The following ADGRL4 variants were observed in gnomAD, a reference collection of about 807,000 sequenced individuals.
ADGRL4 encodes the protein adhesion G protein-coupled receptor L4.
A neutral mutation model predicts 74.8 loss-of-function variants in ADGRL4; 90 were observed. The ratio of observed to expected loss-of-function variants is 1.20; its 90% CI spans 1.02 to 1.43. The LOEUF (loss-of-function observed/expected upper bound fraction) is 1.43, where lower values mean the gene tolerates loss of function less well. Among genes scored for constraint, ADGRL4 ranks in the 40% most tolerant of loss-of-function variants. The pLI is 0.00. For synonymous variants in ADGRL4, 311 were observed against 279.2 expected, an observed-to-expected ratio of 1.11 and a Z score of -1.14; for missense variants, 881 against 814.3, an observed-to-expected ratio of 1.08 and a Z score of -1.00.
At chr1:78,974,154 T>C (rs935092813) in intron 2 of ADGRL4, among the ~76,000 whole-genome samples, 3 of 152,152 alleles carry the variant, frequency 2.0e-5, no homozygotes, top group Non-Finnish European at 2.9e-5. Flanking sequence ...CAGTTTATCT[T>C]CAGTGCAAAA....
At chr1:78,906,240 C>T (rs938219660) in intron 12 of ADGRL4, among the ~76,000 whole-genome samples, 3 of 151,946 alleles carry the variant, frequency 2.0e-5, no homozygotes, top group African/African-American at 7.2e-5. Flanking sequence ...TAAATAATTG[C>T]TCTATTTAAT....
chr1:78,908,029 G>A (rs569639147), intron 12 of ADGRL4, among the ~76,000 whole-genome samples: 17 of 152,080 alleles, frequency 1.1e-4, no homozygotes, highest in African/African-American at 3.9e-4. Context: ...TCAAGACCAA[G>A]CCACGCAGAC....
At chr1:78,924,389 A>G (rs1649070188) in intron 8 of ADGRL4, among the ~76,000 whole-genome samples, 1 of 152,034 alleles carries the variant, frequency 6.6e-6, no homozygotes, top group Non-Finnish European at 1.5e-5. Context: ...ACCAAAATAC[A>G]TATATAAACT....
intron 2 of ADGRL4, among the ~76,000 whole-genome samples, chr1:78,952,328 C>CTTTTTTTTTTTTTTTTT (rs10647389): frequency 8.4e-6 from 1 of 119,710 alleles, no homozygotes; most frequent in Non-Finnish European, 1.7e-5. Flanking sequence ...ACATAGAAAG[C>CTTTTTTTTTTTTTTTTT]TTTTTTTTTT....
Position 79,006,627 on chromosome 1 carries a change from A to C in ADGRL4, c.22+6T>G, listed in dbSNP as rs1480179283. ...ACCTCGGCGACCAGGGGCGCTGAGC[A>C]CTCACCTAGGAGCGGGAGGCGTTTC... On this transcript the variant is annotated splice_donor_region_variant and intron_variant, in intron 1 of 14. Coordinates refer to ENST00000370742, the MANE Select transcript of ADGRL4 (RefSeq NM_022159.4). 2.6e-6 allele frequency: 4 copies of C among 1,533,158 alleles called. No individual in the cohort carries two copies. The highest frequency in any genetic ancestry group is 3.5e-6 in the Non-Finnish European group (4 of 1,140,726). The allele number at this position is 1,533,158 out of a possible 1,614,324, so 95.0% of individuals were successfully genotyped here.
At chr1:78,976,788 C>T (rs1041581002) in intron 2 of ADGRL4, among the ~76,000 whole-genome samples, 9 of 148,516 alleles carry the variant, frequency 6.1e-5, no homozygotes, top group African/African-American at 2.2e-4. Flanking sequence ...CAATTTAAAG[C>T]CTTCCAAGAA....
Position 79,006,662 on chromosome 1 carries a change from G to A in ADGRL4, c.-8C>T. 1 of 1,499,284 alleles carries A rather than the reference G, an allele frequency of 6.7e-7. No individual in the cohort carries two copies. Among genetic ancestry groups the A allele is most frequent in the Non-Finnish European group, 8.9e-7 (1 of 1,126,030 alleles). 92.9% of individuals were successfully genotyped at this position (1,499,284 alleles called of 1,614,324 possible). ...GAGCGGGAGGCGTTTCATTGGCGGT[G>A]GCCGCAGTGGTGGCGGTGGCGGAGA... On this transcript the variant is annotated 5_prime_UTR_variant, in exon 1 of 15. Transcript: ENST00000370742.
rs552666381 is a variant in ADGRL4, at chr1:78,946,067, A to T, written c.325+207T>A. ...TTTTTGCAAACTTATTCTCTCAAAAATTAAACCTTCTTCCTGTATCCTTGG... is the reference window on the plus strand; with the variant it reads ...TTTTTGCAAACTTATTCTCTCAAAATTTAAACCTTCTTCCTGTATCCTTGG... On this transcript the variant is annotated intron_variant, in intron 3 of 14. Coordinates refer to ENST00000370742, the MANE Select transcript of ADGRL4 (RefSeq NM_022159.4). Among the ~76,000 whole-genome samples the T allele has an allele frequency of 1.2e-4, 19 of 152,298 alleles. No individual in the cohort carries two copies. In the South Asian group the frequency reaches 3.7e-3, roughly 30 times the overall value.
chr1:78,968,672 C>T (rs1650108446), intron 2 of ADGRL4, among the ~76,000 whole-genome samples: 2 of 152,088 alleles, frequency 1.3e-5, no homozygotes, highest in African/African-American at 4.8e-5. Flanking sequence ...CTGTGAGGAG[C>T]CCGGGTTGCT....
chr1:78,930,845 T>C (rs1349642257), intron 7 of ADGRL4, among the ~76,000 whole-genome samples: 1 of 151,416 alleles, frequency 6.6e-6, no homozygotes, highest in East Asian at 1.9e-4. Context: ...TGCACATTAG[T>C]TACATCATCC....
intron 2 of ADGRL4, among the ~76,000 whole-genome samples, chr1:78,988,083 A>G (rs768652141): frequency 2.8e-4 from 42 of 151,864 alleles, no homozygotes; most frequent in Non-Finnish European, 5.6e-4. Context: ...CATACTTAAA[A>G]GAAAAGCAAT....
In ADGRL4 at chr1:78,937,890, A is replaced by G. The variant is rs764953608; in HGVS notation, c.677T>C (p.Met226Thr). The G allele has an allele frequency of 5.6e-6, 9 of 1,614,086 alleles. No individual in the cohort carries two copies. Among genetic ancestry groups the G allele is most frequent in the Non-Finnish European group, 7.6e-6 (9 of 1,179,968 alleles). ...NHRRTHLTKL[M>T]HTVEQATLRI... ...TAAAGTAGCTTGTTCAACAGTGTGC[A>G]TGAGTTTTGTAAGATGTGTTCTCCT... is the stretch of plus-strand genomic sequence containing the variant. Residue 226 changes from methionine (M) to threonine (T), a missense_variant, in exon 6 of 15, where the codon ATG (methionine) becomes ACG (threonine). Coordinates refer to ENST00000370742, the MANE Select transcript of ADGRL4 (RefSeq NM_022159.4).
intron 2 of ADGRL4, among the ~76,000 whole-genome samples, chr1:79,002,538 G>A (rs988946789): frequency 5.3e-5 from 8 of 152,092 alleles, no homozygotes; most frequent in African/African-American, 1.9e-4. Flanking sequence ...ACAAAGAAGA[G>A]CCATTGGCAG....
At chr1:78,909,614 G>A (rs1648718176) in intron 12 of ADGRL4, among the ~76,000 whole-genome samples, 3 of 151,786 alleles carry the variant, frequency 2.0e-5, no homozygotes, top group Middle Eastern at 3.4e-3. Flanking sequence ...TATTCCAATC[G>A]AACCATTTAT....
At chr1:79,003,890 T>G (rs2100745327) in intron 2 of ADGRL4, among the ~76,000 whole-genome samples, 1 of 152,104 alleles carries the variant, frequency 6.6e-6, no homozygotes, top group African/African-American at 2.4e-5. Flanking sequence ...ATGAAAAGAA[T>G]TTTGTAATTC....
chr1:78,892,384 A>G (rs1648298735), intron 13 of ADGRL4, among the ~76,000 whole-genome samples: 1 of 152,114 alleles, frequency 6.6e-6, no homozygotes, highest in African/African-American at 2.4e-5. Flanking sequence ...CACTAAGGAC[A>G]TTGCCTTGGA....
At chr1:78,897,003 G>A (rs759746229) in intron 12 of ADGRL4, among the ~76,000 whole-genome samples, 1 of 152,012 alleles carries the variant, frequency 6.6e-6, no homozygotes, top group Non-Finnish European at 1.5e-5. Flanking sequence ...CTGTTTAAAT[G>A]CCATCTTGCC....
At chr1:78,953,757 A>C (rs1649775668) in intron 2 of ADGRL4, among the ~76,000 whole-genome samples, 1 of 152,238 alleles carries the variant, frequency 6.6e-6, no homozygotes. Context: ...TCTGCAATAC[A>C]TAAATTCAAA....
chr1:78,994,605 T>G (rs1650677932), intron 2 of ADGRL4, among the ~76,000 whole-genome samples: 1 of 152,224 alleles, frequency 6.6e-6, no homozygotes, highest in African/African-American at 2.4e-5. Flanking sequence ...TATTTTTTCA[T>G]TACTAGGATT....
Sources: gnomAD v4.1 joint callset for allele counts (sites outside exome capture counted in the v4.1 genomes callset) on GRCh38, gnomAD v4.1.1 for gene constraint, MANE v1.5 for transcripts, NCBI Gene and HGNC (gene_info 2026-07-23, HGNC 2026-07-21) for gene names.